EVL: variants seen among roughly 807,000 people sequenced by gnomAD.
EVL encodes ena/VASP-like protein.
Under a neutral mutation model 59.6 loss-of-function variants are expected in EVL, and 21 were observed. The ratio of observed to expected loss-of-function variants is 0.35; its 90% CI spans 0.25 to 0.51. The LOEUF (loss-of-function observed/expected upper bound fraction) is 0.51. EVL is among the 20% of genes least tolerant of loss of function. The pLI is 0.97. For synonymous variants in EVL, 198 were observed against 203.5 expected, an observed-to-expected ratio of 0.97 and a Z score of 0.23; for missense variants, 462 against 546.6, an observed-to-expected ratio of 0.85 and a Z score of 1.54.
intron 1 of EVL, among the ~76,000 whole-genome samples, chr14:100,002,171 G>A (rs1436599225): frequency 6.6e-6 from 1 of 152,086 alleles, no homozygotes; most frequent in Non-Finnish European, 1.5e-5. Flanking sequence ...GTTAATTCCT[G>A]TTCTGCTTGA....
intron 1 of EVL, among the ~76,000 whole-genome samples, chr14:99,986,837 G>C (rs2060843130): frequency 6.6e-6 from 1 of 152,034 alleles, no homozygotes; most frequent in Non-Finnish European, 1.5e-5. Context: ...ACAAATACTG[G>C]GACAAAGTAC....
At chr14:100,088,568 A>G (rs1034838666) in intron 2 of EVL, among the ~76,000 whole-genome samples, 5 of 152,228 alleles carry the variant, frequency 3.3e-5, no homozygotes, top group Non-Finnish European at 5.9e-5. Context: ...AGGCAGTTGT[A>G]ACACAGTGGT....
intron 2 of EVL, among the ~76,000 whole-genome samples, chr14:100,086,149 A>C (rs188134214): frequency 6.6e-6 from 1 of 152,240 alleles, no homozygotes; most frequent in Non-Finnish European, 1.5e-5. Context: ...CTAACCTTGA[A>C]ATCTTGGTAC....
At chr14:100,078,063 T>C (rs1190972) in intron 1 of EVL, among the ~76,000 whole-genome samples, 123,275 of 152,186 alleles carry the variant, frequency 0.81, 51,143 homozygotes, top group Non-Finnish European at 0.9. Context: ...CGTGAGCCAC[T>C]GCGCCCGGCC....
Position 99,981,038 on chromosome 14 carries a change from C to T in EVL, c.5+8981C>T, listed in dbSNP as rs79676505. On this transcript the variant is annotated intron_variant, in intron 1 of 13. Transcript: ENST00000402714. ...TGGCTTGAGGCCAAAAGTTTGAGAC[C>T]GGCGGCGGTGGGCAACATATTGAGA... Among the ~76,000 whole-genome samples the T allele has an allele frequency of 0.012, 1,735 of 150,182 alleles. 81 individuals are homozygous for T. In the East Asian group the frequency reaches 0.16, roughly 14 times the overall value.
intron 3 of EVL, chr14:100,102,292 C>A (rs1442112331): frequency 4.4e-6 from 2 of 456,052 alleles, no homozygotes; most frequent in Non-Finnish European, 8.8e-6. Flanking sequence ...TGCATAATTT[C>A]CCTCTCCCCA....
intron 1 of EVL, among the ~76,000 whole-genome samples, chr14:100,006,895 G>A (rs2060986046): frequency 6.6e-6 from 1 of 151,932 alleles, no homozygotes; most frequent in Admixed American, 6.6e-5. Context: ...CTCTGGAGGG[G>A]TGCTTCCAGG....
At chr14:100,040,598 C>A (rs2061454525) in intron 1 of EVL, among the ~76,000 whole-genome samples, 1 of 152,116 alleles carries the variant, frequency 6.6e-6, no homozygotes, top group African/African-American at 2.4e-5. Flanking sequence ...CTTTTATCTC[C>A]CCAGTCTGCA....
intron 2 of EVL, among the ~76,000 whole-genome samples, chr14:100,088,301 A>G (rs1324412284): frequency 6.6e-6 from 1 of 152,234 alleles, no homozygotes; most frequent in Non-Finnish European, 1.5e-5. Context: ...TCCACCATCA[A>G]GCATCTTTCT....
At chr14:100,139,177 A>T (rs1889003516) in intron 11 of EVL, 1 of 152,270 alleles carries the variant, frequency 6.6e-6, no homozygotes, top group South Asian at 2.1e-4. Context: ...CAGCGCTCCC[A>T]GCGGACTCCG....
At chr14:100,142,699 C>T (rs959359460) in intron 13 of EVL, among the ~76,000 whole-genome samples, 11 of 151,892 alleles carry the variant, frequency 7.2e-5, no homozygotes, top group African/African-American at 2.2e-4. Flanking sequence ...AGAGAGCACT[C>T]AGTTCCTGTT....
chr14:100,104,469 G>A (rs1020994725), intron 3 of EVL, among the ~76,000 whole-genome samples: 3 of 152,198 alleles, frequency 2.0e-5, no homozygotes, highest in Non-Finnish European at 2.9e-5. Flanking sequence ...TCTGGGTTGT[G>A]CCTCCTAATT....
At chr14:100,081,207 T>C in intron 1 of EVL, among the ~76,000 whole-genome samples, 1 of 152,178 alleles carries the variant, frequency 6.6e-6, no homozygotes, top group East Asian at 1.9e-4. Flanking sequence ...AGGGTGTGTA[T>C]GATACAGAGT....
intron 1 of EVL, among the ~76,000 whole-genome samples, chr14:100,067,272 C>T (rs1045451607): frequency 6.6e-6 from 1 of 152,130 alleles, no homozygotes; most frequent in Non-Finnish European, 1.5e-5. Context: ...ATGGGGATAC[C>T]GTGGCGCCTG....
chr14:100,131,055 C>T (rs574493830), intron 7 of EVL, among the ~76,000 whole-genome samples: 3 of 152,290 alleles, frequency 2.0e-5, no homozygotes, highest in South Asian at 2.1e-4. Flanking sequence ...GGAAGGCTGA[C>T]GCCCCCTGTG....
At chr14:100,132,971 C>T (rs868853753) in intron 8 of EVL, among the ~76,000 whole-genome samples, 192 bp downstream of exon 8, 2 of 152,318 alleles carry the variant, frequency 1.3e-5, no homozygotes, top group African/African-American at 4.8e-5. Context: ...GCAGGCCTGC[C>T]CTCACTGAGC....
At chr14:100,138,403 GAT>G (rs2140404218) in intron 11 of EVL, 1 of 153,336 alleles carries the variant, frequency 6.5e-6, no homozygotes, top group East Asian at 1.9e-4. Context: ...TTGGAACTGA[GAT>G]TGCCCAAAAA....
chr14:100,045,027 T>G (rs2061526568), intron 1 of EVL, among the ~76,000 whole-genome samples: 1 of 152,178 alleles, frequency 6.6e-6, no homozygotes, highest in South Asian at 2.1e-4. Context: ...AGGGAGTACC[T>G]AGTTACAGCT....
rs750723779 is a variant in EVL at position 100,137,622 on chromosome 14, C to G, written c.1009C>G (p.Pro337Ala). The G allele has an allele frequency of 1.3e-5, 21 of 1,614,092 alleles. No homozygotes were observed. The highest frequency in any genetic ancestry group is 1.7e-5 in the Non-Finnish European group (20 of 1,180,030). ...GGAGCGGAGCAACTCGGTGGAGAAG[C>G]CTGTGTCCTCGATTCTGTCCAGGTG... is the stretch of plus-strand genomic sequence containing the variant. ...PWERSNSVEK[P>A]VSSILSRTPS... The change falls in exon 10 of 14, where the codon CCT becomes GCT. Residue 337 changes from proline (P) to alanine (A), a missense_variant. Transcript: ENST00000392920.
Sources: allele counts gnomAD v4.1 joint callset (sites outside exome capture counted in the v4.1 genomes callset), GRCh38; gene constraint gnomAD v4.1.1; transcripts MANE v1.5; gene names NCBI Gene and HGNC (gene_info 2026-07-23, HGNC 2026-07-21).